Variants in SLC2A1 observed in about 807,000 individuals in gnomAD.
SLC2A1 encodes the protein solute carrier family 2, facilitated glucose transporter member 1.
A neutral mutation model predicts 46.6 loss-of-function variants in SLC2A1; 4 were observed. The observed-to-expected ratio is 0.09, with a 90% confidence interval of 0.04 to 0.20. SLC2A1 has a LOEUF of 0.20. SLC2A1 is among the 10% of genes least tolerant of loss of function. The pLI is 1.00. For synonymous variants in SLC2A1, 253 were observed against 270.0 expected (o/e 0.94, Z 0.62); for missense variants, 352 against 667.0 (o/e 0.53, Z 5.20).
intron 2 of SLC2A1, among the ~76,000 whole-genome samples, chr1:42,932,364 C>G (rs1161925563): frequency 6.6e-6 from 1 of 151,852 alleles, no homozygotes; most frequent in Non-Finnish European, 1.5e-5. Flanking sequence ...ATGGGACTGG[C>G]CAGACCCACC....
chr1:42,927,292 C>T lies in SLC2A1; in HGVS notation c.1279-51G>A, dbSNP rs774719558. On this transcript the variant is annotated intron_variant, in intron 9 of 9. Coordinates refer to ENST00000426263, the MANE Select transcript of SLC2A1 (RefSeq NM_006516.4). This position sits in a 1 kb window ranked among gnomAD's most constrained non-coding sequence, Gnocchi z 5.3. ...TTGGAGTCATGACCCTACATCCTGG[C>T]TGTAGGACTTTGGATAAGTCACTTT... is the stretch of plus-strand genomic sequence containing the variant. 2.6e-6 allele frequency: 4 copies of T among 1,544,804 alleles called. No individual in the cohort carries two copies. In the South Asian group the frequency reaches 4.5e-5, roughly 17 times the overall value.
chr1:42,930,176 C>T lies in SLC2A1; in HGVS notation c.517-141G>A, dbSNP rs1570593094. 7.6e-6 allele frequency: 7 copies of T among 916,326 alleles called. No homozygotes were observed. Among genetic ancestry groups the T allele is most frequent in the Middle Eastern group, 6.5e-4 (2 of 3,056 alleles). 56.8% of individuals were successfully genotyped at this position (916,326 alleles called of 1,614,324 possible). A position where few individuals can be genotyped will look rare whatever the true frequency, so the allele number is the denominator to read the frequency against. Reference sequence around the variant, plus strand: ...CTAGAGGCTCTGCCACTAGCATGAGCCCTGTTTCTCAGTTTCCTCATCGGT... The same window carrying T: ...CTAGAGGCTCTGCCACTAGCATGAGTCCTGTTTCTCAGTTTCCTCATCGGT... On this transcript the variant is annotated intron_variant, in intron 4 of 9. Transcript: ENST00000426263. This position sits in a 1 kb window ranked among gnomAD's most constrained non-coding sequence, Gnocchi z 6.2.
Position 42,926,923 on chromosome 1 carries a change from A to G in SLC2A1, c.*118T>C. The G allele has an allele frequency of 6.5e-7, 1 of 1,529,730 alleles. No individual in the cohort carries two copies. Among genetic ancestry groups the G allele is most frequent in the Non-Finnish European group, 8.7e-7 (1 of 1,144,128 alleles). The allele number at this position is 1,529,730 out of a possible 1,614,324, so 94.8% of individuals were successfully genotyped here. A position where few individuals can be genotyped will look rare whatever the true frequency, so the allele number is the denominator to read the frequency against. ...GACATCATTGCTGGCTGGAGAAAGGAGCCCCAGGCCCGGCTCGGCTGACAT... is the reference window on the plus strand; with the variant it reads ...GACATCATTGCTGGCTGGAGAAAGGGGCCCCAGGCCCGGCTCGGCTGACAT... On this transcript the variant is annotated 3_prime_UTR_variant, in exon 10 of 10. Coordinates refer to ENST00000426263, the MANE Select transcript of SLC2A1 (RefSeq NM_006516.4).
chr1:42,950,365 G>A (rs1473501675), intron 1 of SLC2A1, among the ~76,000 whole-genome samples: 8 of 152,298 alleles, frequency 5.3e-5, no homozygotes, highest in Non-Finnish European at 8.8e-5. Flanking sequence ...TAAGCCCCAC[G>A]TCCCCTGAGC....
chr1:42,927,330 T>C lies in SLC2A1; in HGVS notation c.1279-89A>G. 7.9e-7 allele frequency: 1 copy of C among 1,272,846 alleles called. No homozygotes were observed. The highest frequency in any genetic ancestry group is 1.1e-6 in the Non-Finnish European group (1 of 882,226). 78.8% of individuals were successfully genotyped at this position (1,272,846 alleles called of 1,614,324 possible). Reference sequence around the variant, plus strand: ...GATAAGTCACTTTACCTTTGGGCCTTTGAGCTGAAAAGGGAACATCCACCT... The same window carrying C: ...GATAAGTCACTTTACCTTTGGGCCTCTGAGCTGAAAAGGGAACATCCACCT... On this transcript the variant is annotated intron_variant, in intron 9 of 9. Coordinates refer to ENST00000426263, the MANE Select transcript of SLC2A1 (RefSeq NM_006516.4). The surrounding 1 kb of genome is among the most constrained non-coding windows in gnomAD (Gnocchi z 5.3).
chr1:42,939,607 C>T (rs556775759), intron 2 of SLC2A1, among the ~76,000 whole-genome samples: 3 of 152,260 alleles, frequency 2.0e-5, no homozygotes, highest in South Asian at 2.1e-4. Flanking sequence ...TGGGAGGCCC[C>T]GGGGATCACA....
rs1643418531 is a variant in SLC2A1 at position 42,925,711 on chromosome 1, G to A, written c.*1330C>T. ...TGGTTCATTTTGTGTGTGTGGGGAG[G>A]GGTGCAGGAGGTGGGTGGAGTTAAT... On this transcript the variant is annotated 3_prime_UTR_variant, in exon 10 of 10. Coordinates refer to ENST00000426263, the MANE Select transcript of SLC2A1 (RefSeq NM_006516.4). The A allele has an allele frequency of 6.6e-6, 1 of 152,208 alleles. No homozygotes were observed. The allele number at this position is 152,208 out of a possible 1,614,324, so 9.4% of individuals were successfully genotyped here.
chr1:42,941,808 C>T (rs564806425), intron 2 of SLC2A1, among the ~76,000 whole-genome samples: 1 of 152,324 alleles, frequency 6.6e-6, no homozygotes, highest in East Asian at 1.9e-4. Context: ...CACACTTTGG[C>T]AAGAGCTGTC....
Position 42,929,055 on chromosome 1 carries a change from G to A in SLC2A1, c.973-22C>T. 6.2e-7 allele frequency: 1 copy of A among 1,607,326 alleles called. No homozygotes were observed. Among genetic ancestry groups the A allele is most frequent in the Non-Finnish European group, 8.5e-7 (1 of 1,174,902 alleles). On this transcript the variant is annotated intron_variant, in intron 7 of 9. Coordinates refer to ENST00000426263, the MANE Select transcript of SLC2A1 (RefSeq NM_006516.4). The surrounding 1 kb of genome is among the most constrained non-coding windows in gnomAD (Gnocchi z 6.0). ...ACAGCTGTGGGCAGAGACAGTGTCA[G>A]TGCCACCCCTGCCTAGTGCCCTTCT...
chr1:42,947,595 A>C (rs927229059), intron 1 of SLC2A1, among the ~76,000 whole-genome samples: 1 of 151,162 alleles, frequency 6.6e-6, no homozygotes, highest in Non-Finnish European at 1.5e-5. Context: ...AAAAAAAAAA[A>C]AAAAAAAAAA....
intron 1 of SLC2A1, among the ~76,000 whole-genome samples, chr1:42,948,001 C>T (rs1643676887): frequency 1.3e-5 from 2 of 152,304 alleles, no homozygotes; most frequent in Admixed American, 6.5e-5. Flanking sequence ...CCTCTGAAGT[C>T]AGGCAGACTG....
chr1:42,958,588 C>A, intron 1 of SLC2A1, 46 bp downstream of exon 1: 1 of 1,505,188 alleles, frequency 6.6e-7, no homozygotes, highest in South Asian at 1.2e-5. Flanking sequence ...GGGCAGGAGT[C>A]TGCGCCTTTG....
At chr1:42,942,278 G>A (rs180813372) in intron 2 of SLC2A1, among the ~76,000 whole-genome samples, 84 of 152,246 alleles carry the variant, frequency 5.5e-4, no homozygotes, top group African/African-American at 1.9e-3. Flanking sequence ...TGGGCCTGTC[G>A]GCCATTTCAT....
rs1417739910 is a variant in SLC2A1 at position 42,930,520 on chromosome 1, G to A, written c.516+106C>T. On this transcript the variant is annotated intron_variant, in intron 4 of 9. Coordinates refer to ENST00000426263, the MANE Select transcript of SLC2A1 (RefSeq NM_006516.4). This position sits in a 1 kb window ranked among gnomAD's most constrained non-coding sequence, Gnocchi z 6.2. ...CCATAGTTGTCCTCTGCAAGGCTGTGGGGGCTGGGCGGAAGAGAAACTCTG... is the reference window on the plus strand; with the variant it reads ...CCATAGTTGTCCTCTGCAAGGCTGTAGGGGCTGGGCGGAAGAGAAACTCTG... 3.4e-6 allele frequency: 5 copies of A among 1,486,240 alleles called. No individual in the cohort carries two copies. The highest frequency in any genetic ancestry group is 4.6e-6 in the Non-Finnish European group (5 of 1,081,718). 92.1% of individuals were successfully genotyped at this position (1,486,240 alleles called of 1,614,324 possible). A position where few individuals can be genotyped will look rare whatever the true frequency, so the allele number is the denominator to read the frequency against.
intron 2 of SLC2A1, among the ~76,000 whole-genome samples, chr1:42,934,498 G>T (rs1359679199): frequency 6.6e-6 from 1 of 152,164 alleles, no homozygotes; most frequent in African/African-American, 2.4e-5. Context: ...CTCCTCCCTG[G>T]GGATTCGTAT....
Position 42,936,920 on chromosome 1 carries a change from C to T in SLC2A1, c.115-5714G>A, listed in dbSNP as rs564410151. 6.0e-4 allele frequency among the ~76,000 whole-genome samples: 92 copies of T among 152,224 alleles called. 2 individuals carry two copies. Among genetic ancestry groups the T allele is most frequent in the Admixed American group, 1.2e-3 (18 of 15,288 alleles). On this transcript the variant is annotated intron_variant, in intron 2 of 9. Transcript: ENST00000426263. The stretch of plus-strand genomic sequence containing the variant: ...ACTGCAACTGGTTCTCAAACAGAGA[C>T]GGCTTTGGTACCCCATAGGACATCT...
Position 42,930,510 on chromosome 1 carries a change from G to T in SLC2A1, c.516+116C>A. ...GACCTGTGTACCATAGTTGTCCTCT[G>T]CAAGGCTGTGGGGGCTGGGCGGAAG... On this transcript the variant is annotated intron_variant, in intron 4 of 9. Transcript: ENST00000426263. This position sits in a 1 kb window ranked among gnomAD's most constrained non-coding sequence, Gnocchi z 6.2. The T allele has an allele frequency of 7.0e-7, 1 of 1,418,980 alleles. No individual in the cohort carries two copies. The highest frequency in any genetic ancestry group is 9.8e-7 in the Non-Finnish European group (1 of 1,023,432). 87.9% of individuals were successfully genotyped at this position (1,418,980 alleles called of 1,614,324 possible). A position where few individuals can be genotyped will look rare whatever the true frequency, so the allele number is the denominator to read the frequency against.
rs530669190 is a variant in SLC2A1 at position 42,927,594 on chromosome 1, G to A, written c.1278+11C>T. 1.0e-5 allele frequency: 15 copies of A among 1,497,460 alleles called. No homozygotes were observed. The East Asian group carries it at 3.0e-4, about 30-fold the overall frequency. The allele number at this position is 1,497,460 out of a possible 1,614,324, so 92.8% of individuals were successfully genotyped here. A position where few individuals can be genotyped will look rare whatever the true frequency, so the allele number is the denominator to read the frequency against. ...CGTGCGGGTGAGTATAGAGACAGTG[G>A]GGGTTCTCACCTCCACATACTGGAA... On this transcript the variant is annotated intron_variant, in intron 9 of 9. Coordinates refer to ENST00000426263, the MANE Select transcript of SLC2A1 (RefSeq NM_006516.4). The surrounding 1 kb of genome is among the most constrained non-coding windows in gnomAD (Gnocchi z 5.3).
At chr1:42,937,334 G>A (rs1465844055) in intron 2 of SLC2A1, among the ~76,000 whole-genome samples, 1 of 152,212 alleles carries the variant, frequency 6.6e-6, no homozygotes, top group Non-Finnish European at 1.5e-5. Context: ...GGGCTTGAGG[G>A]GTGATGTGAT....
Sources: gnomAD v4.1 joint callset for allele counts (sites outside exome capture counted in the v4.1 genomes callset) on GRCh38, gnomAD v4.1.1 for gene constraint, Gnocchi (gnomAD v3.1) non-coding constraint, MANE v1.5 for transcripts, NCBI Gene and HGNC (gene_info 2026-07-23, HGNC 2026-07-21) for gene names.